The following NUTF2 variants were observed in gnomAD, a reference collection of about 807,000 sequenced individuals.
The protein encoded by NUTF2 is nuclear transport factor 2.
NUTF2 carries 3 observed loss-of-function variants against 18.5 expected under a neutral mutation model. That is an observed-to-expected ratio of 0.16 (90% CI 0.07 to 0.42). The LOEUF (loss-of-function observed/expected upper bound fraction) is 0.42. Ranked by LOEUF, NUTF2 falls within the 10% of genes least tolerant of loss-of-function variation. NUTF2 has a pLI of 0.99. For synonymous variants in NUTF2, 51 were observed against 57.9 expected, an observed-to-expected ratio of 0.88 and a Z score of 0.54; for missense variants, 44 against 160.7, an observed-to-expected ratio of 0.27 and a Z score of 3.93.
At chr16:67,850,886 C>T (rs1313397458) in intron 1 of NUTF2, among the ~76,000 whole-genome samples, 4 of 151,958 alleles carry the variant, frequency 2.6e-5, no homozygotes, top group East Asian at 1.9e-4. Context: ...CTGCAACCTC[C>T]GCCTCCTGGG....
intron 1 of NUTF2, among the ~76,000 whole-genome samples, chr16:67,864,580 T>A (rs1406528040): frequency 6.7e-6 from 1 of 149,814 alleles, no homozygotes; most frequent in Admixed American, 6.6e-5. Flanking sequence ...GGGTCTTCCA[T>A]CTGTCAGCGT....
At chr16:67,866,456 C>A (rs1015255211) in intron 2 of NUTF2, among the ~76,000 whole-genome samples, 3 of 151,764 alleles carry the variant, frequency 2.0e-5, no homozygotes, top group Non-Finnish European at 4.4e-5. Context: ...CAGGCATGCA[C>A]CACCAAGCCT....
chr16:67,847,158 C>T (rs998197975), intron 1 of NUTF2, 173 bp downstream of exon 1: 1 of 151,854 alleles, frequency 6.6e-6, no homozygotes, highest in Non-Finnish European at 1.5e-5. Context: ...CGCCTCCCGC[C>T]GGTCCTGTGA....
chr16:67,870,179 T>C (rs928021649), intron 4 of NUTF2: 2 of 152,496 alleles, frequency 1.3e-5, no homozygotes, highest in African/African-American at 4.8e-5. Flanking sequence ...TCCTGGTGAT[T>C]CTGTCCAATT....
At chr16:67,859,425 C>A (rs1385806038) in intron 1 of NUTF2, among the ~76,000 whole-genome samples, 1 of 151,210 alleles carries the variant, frequency 6.6e-6, no homozygotes, top group African/African-American at 2.4e-5. Context: ...TCTCGGTTCA[C>A]CGCAACCTCT....
At chr16:67,851,026 C>T (rs2057852704) in intron 1 of NUTF2, among the ~76,000 whole-genome samples, 1 of 151,886 alleles carries the variant, frequency 6.6e-6, no homozygotes, top group Non-Finnish European at 1.5e-5. Flanking sequence ...GTCTTGAACT[C>T]CTGACCTCAA....
intron 1 of NUTF2, among the ~76,000 whole-genome samples, chr16:67,861,994 G>A (rs1054042282): frequency 1.3e-5 from 2 of 152,212 alleles, no homozygotes; most frequent in South Asian, 4.1e-4. Context: ...AAAACATGGT[G>A]AGCAGGCTCT....
At position 67,857,723 on chromosome 16, in the gene NUTF2, T is replaced by C. The variant is rs148310400; in HGVS notation, c.-29-7379T>C. On this transcript the variant is annotated intron_variant, in intron 1 of 4. Coordinates refer to ENST00000219169, the MANE Select transcript of NUTF2 (RefSeq NM_005796.3). The stretch of plus-strand genomic sequence containing the variant: ...GCTAGAGGCCAGGTCTTTGAGGGTG[T>C]GGCTGTGCCTGCTGTTTAGCCACAG... Among the ~76,000 whole-genome samples the C allele has an allele frequency of 2.7e-3, 415 of 152,334 alleles. 3 individuals carry two copies. Among genetic ancestry groups the C allele is most frequent in the African/African-American group, 9.7e-3 (405 of 41,574 alleles).
intron 4 of NUTF2, 67 bp downstream of exon 4, chr16:67,868,666 C>T (rs2057991411): frequency 1.4e-6 from 2 of 1,426,322 alleles, no homozygotes; most frequent in South Asian, 2.4e-5. Context: ...CCCCTGCTTT[C>T]CCTGTGGATG....
chr16:67,850,860 G>T (rs1184192685), intron 1 of NUTF2, among the ~76,000 whole-genome samples: 2 of 151,908 alleles, frequency 1.3e-5, no homozygotes, highest in Non-Finnish European at 2.9e-5. Flanking sequence ...GAGTGCAGTG[G>T]TGCAATCTCA....
intron 1 of NUTF2, among the ~76,000 whole-genome samples, chr16:67,851,236 A>G (rs1206047634): frequency 1.3e-5 from 2 of 152,006 alleles, no homozygotes; most frequent in Non-Finnish European, 2.9e-5. Context: ...TAATCCCAGC[A>G]CTTTGGGAGG....
At chr16:67,860,065 C>T (rs536396288) in intron 1 of NUTF2, among the ~76,000 whole-genome samples, 2 of 151,874 alleles carry the variant, frequency 1.3e-5, no homozygotes, top group East Asian at 1.9e-4. Flanking sequence ...CTGCAAGCTC[C>T]GCCTCCTGGG....
At chr16:67,853,861 G>A (rs922568397) in intron 1 of NUTF2, among the ~76,000 whole-genome samples, 1 of 151,978 alleles carries the variant, frequency 6.6e-6, no homozygotes, top group African/African-American at 2.4e-5. Context: ...TGCCCAGGCT[G>A]GTCTCAGAAC....
chr16:67,859,011 T>G (rs935382329), intron 1 of NUTF2, among the ~76,000 whole-genome samples: 15 of 152,028 alleles, frequency 9.9e-5, no homozygotes, highest in Non-Finnish European at 1.9e-4. Context: ...TTTTTTTTTT[T>G]TCCTGTAGAC....
chr16:67,851,530 A>C (rs1472556939), intron 1 of NUTF2, among the ~76,000 whole-genome samples: 1 of 152,046 alleles, frequency 6.6e-6, no homozygotes, highest in Non-Finnish European at 1.5e-5. Context: ...ATTATACTTT[A>C]AGTTCTAGGG....
intron 1 of NUTF2, among the ~76,000 whole-genome samples, chr16:67,848,451 T>C (rs962920135): frequency 2.6e-5 from 4 of 152,044 alleles, no homozygotes; most frequent in African/African-American, 9.7e-5. Context: ...AACGTGGAGG[T>C]GCACTTCTGT....
intron 1 of NUTF2, among the ~76,000 whole-genome samples, chr16:67,855,582 G>A (rs1380771452): frequency 1.3e-5 from 2 of 152,132 alleles, no homozygotes; most frequent in Non-Finnish European, 2.9e-5. Context: ...TAAACTGGGG[G>A]AATTTTGGAA....
intron 1 of NUTF2, among the ~76,000 whole-genome samples, chr16:67,859,137 A>G (rs2057917443): frequency 6.6e-6 from 1 of 151,872 alleles, no homozygotes; most frequent in South Asian, 2.1e-4. Context: ...GGTGTGAGCC[A>G]CCACACCCGC....
At chr16:67,865,574 C>T (rs367929805) in intron 2 of NUTF2, among the ~76,000 whole-genome samples, 30 of 152,270 alleles carry the variant, frequency 2.0e-4, no homozygotes, top group African/African-American at 6.7e-4. Flanking sequence ...ATCCTCAGTG[C>T]AAAGCTGAGC....
Sources: allele counts gnomAD v4.1 joint callset (sites outside exome capture counted in the v4.1 genomes callset), GRCh38; gene constraint gnomAD v4.1.1; transcripts MANE v1.5; gene names NCBI Gene and HGNC (gene_info 2026-07-23, HGNC 2026-07-21).